CDK13: variants seen among roughly 807,000 people sequenced by gnomAD.
CDK13 encodes cyclin-dependent kinase 13.
A neutral mutation model predicts 137.6 loss-of-function variants in CDK13; 40 were observed. The ratio of observed to expected loss-of-function variants is 0.29; its 90% CI spans 0.23 to 0.38. CDK13 has a LOEUF of 0.38. Among genes scored for constraint, CDK13 ranks in the 10% least tolerant of loss-of-function variants. CDK13 has a pLI of 1.00. For missense variants in CDK13, 1,704 were observed against 1,951.8 expected, an observed-to-expected ratio of 0.87 and a Z score of 2.39; for synonymous variants, 869 against 760.1, an observed-to-expected ratio of 1.14 and a Z score of -2.36.
At chr7:40,005,205 A>G (rs1037998276) in intron 5 of CDK13, among the ~76,000 whole-genome samples, 2 of 151,818 alleles carry the variant, frequency 1.3e-5, no homozygotes, top group Non-Finnish European at 2.9e-5. Context: ...CATCATAAAT[A>G]TATTTTTTTA....
chr7:40,093,387 C>T, intron 13 of CDK13, 150 bp downstream of exon 13: 1 of 608,574 alleles, frequency 1.6e-6, no homozygotes, highest in Non-Finnish European at 2.8e-6. Flanking sequence ...GTTTTTCAGT[C>T]TGTTTACTTC....
chr7:40,090,952 T>A lies in CDK13; in HGVS notation c.3236-1833T>A, dbSNP rs184496335. Reference sequence around the variant, plus strand: ...CAGGCTGGGCATGGTGGCTCATGCCTGTAATCCCAGCACTTTGGGAGGCCG... The same window carrying A: ...CAGGCTGGGCATGGTGGCTCATGCCAGTAATCCCAGCACTTTGGGAGGCCG... On this transcript the variant is annotated intron_variant, in intron 12 of 13. Transcript: ENST00000181839. Among the ~76,000 whole-genome samples the A allele has an allele frequency of 6.9e-3, 1,051 of 151,492 alleles. 11 individuals are homozygous for A. Among genetic ancestry groups the A allele is most frequent in the African/African-American group, 0.024 (979 of 41,304 alleles).
chr7:40,046,582 GGTTGCAGT>G (rs759596270), intron 6 of CDK13, among the ~76,000 whole-genome samples: 83 of 152,288 alleles, frequency 5.5e-4, no homozygotes, highest in Non-Finnish European at 9.0e-4. Context: ...AGGAGGTGGA[GGTTGCAGT>G]GAGCTGAGAT....
At chr7:40,036,394 A>G (rs1785484025) in intron 5 of CDK13, among the ~76,000 whole-genome samples, 2 of 152,270 alleles carry the variant, frequency 1.3e-5, no homozygotes, top group East Asian at 3.9e-4. Flanking sequence ...CAACATGGCG[A>G]AACCCTGTCT....
intron 5 of CDK13, among the ~76,000 whole-genome samples, chr7:40,013,303 G>GATT (rs1240051592): frequency 6.6e-6 from 1 of 152,122 alleles, no homozygotes; most frequent in Non-Finnish European, 1.5e-5. Context: ...AGTTTTGCAA[G>GATT]ATTAAAAGAG....
chr7:40,062,648 C>G (rs774798710), intron 7 of CDK13, 178 bp from the exon 8 acceptor site: 32 of 604,812 alleles, frequency 5.3e-5, no homozygotes, highest in Non-Finnish European at 8.5e-5. Flanking sequence ...AGGTTGCCCT[C>G]ACATACATTT....
intron 1 of CDK13, among the ~76,000 whole-genome samples, chr7:39,965,980 G>C (rs1181313870): frequency 6.6e-6 from 1 of 152,194 alleles, no homozygotes; most frequent in Non-Finnish European, 1.5e-5. Flanking sequence ...TATCTGCTGA[G>C]AGATCAGCTG....
chr7:39,988,561 A>G (rs1024757823), intron 2 of CDK13, among the ~76,000 whole-genome samples: 2 of 152,122 alleles, frequency 1.3e-5, no homozygotes, highest in Admixed American at 1.3e-4. Context: ...TTCCTTGATG[A>G]TGTAATCAGA....
At chr7:40,008,381 A>C (rs1305678934) in intron 5 of CDK13, among the ~76,000 whole-genome samples, 1 of 152,178 alleles carries the variant, frequency 6.6e-6, no homozygotes. Flanking sequence ...TGTCCATCTA[A>C]ATACTGGGGA....
intron 11 of CDK13, among the ~76,000 whole-genome samples, chr7:40,087,048 C>T (rs1296136233): frequency 6.6e-6 from 1 of 152,054 alleles, no homozygotes; most frequent in Non-Finnish European, 1.5e-5. Context: ...AGTGATCCAC[C>T]CACCTTAGCC....
chr7:39,988,063 A>G lies in CDK13; in HGVS notation c.1676A>G (p.Lys559Arg), dbSNP rs373649746. ...ENNLIVDKAT[K>R]KAVIVGKESK... ...AATTTGATTGTAGATAAAGCCACCA[A>G]GAAAGCAGTCATAGTTGGAAAGGAG... Residue 559 changes from lysine (K) to arginine (R), a missense_variant, in exon 2 of 14, where the codon AAG becomes AGG. This residue lies in a region of CDK13 where 1,051 missense variants were observed against 931.0 expected (regional missense o/e 1.13). Coordinates refer to ENST00000181839, the MANE Select transcript of CDK13 (RefSeq NM_003718.5). The G allele has an allele frequency of 1.1e-5, 17 of 1,614,132 alleles. No individual in the cohort carries two copies. The African/African-American group carries it at 1.1e-4, about 10-fold the overall frequency.
chr7:39,954,871 A>T (rs780048250), intron 1 of CDK13, among the ~76,000 whole-genome samples: 4 of 152,180 alleles, frequency 2.6e-5, no homozygotes, highest in East Asian at 3.9e-4. Flanking sequence ...CACCTGCTGC[A>T]TCAGCCTCCC....
intron 12 of CDK13, among the ~76,000 whole-genome samples, chr7:40,089,698 T>TAGAGAGAG (rs58490010): frequency 3.6e-5 from 5 of 140,492 alleles, no homozygotes; most frequent in African/African-American, 8.2e-5. Context: ...TGATATAAAA[T>TAGAGAGAG]AGAGAGAGAG....
intron 5 of CDK13, among the ~76,000 whole-genome samples, chr7:40,022,057 G>A (rs1785137550): frequency 6.6e-6 from 1 of 152,182 alleles, no homozygotes. Context: ...TACTTAGGCA[G>A]CTCACTATCA....
At chr7:40,088,098 T>G (rs1010985154) in intron 11 of CDK13, 28 bp from the exon 12 acceptor site, 1 of 1,593,168 alleles carries the variant, frequency 6.3e-7, no homozygotes, top group Non-Finnish European at 8.6e-7. Flanking sequence ...AAATGCCATT[T>G]ACAATTTAAT....
At chr7:39,996,983 A>AAAAAAAAAAAAAAAAAAAAAAAAAAG (rs1562719391) in intron 2 of CDK13, among the ~76,000 whole-genome samples, 3 of 141,434 alleles carry the variant, frequency 2.1e-5, no homozygotes, top group African/African-American at 9.0e-5. Context: ...AAAAGAAAAA[A>AAAAAAAAAAAAAAAAAAAAAAAAAAG]AAAAAGAAAA....
At chr7:39,972,215 C>T (rs940489413) in intron 1 of CDK13, among the ~76,000 whole-genome samples, 6 of 152,004 alleles carry the variant, frequency 3.9e-5, no homozygotes, top group East Asian at 1.9e-4. Context: ...TTGTTGTTGT[C>T]GTTACTTTTA....
intron 7 of CDK13, among the ~76,000 whole-genome samples, chr7:40,049,732 C>T (rs1242229079): frequency 6.6e-6 from 1 of 152,090 alleles, no homozygotes. Flanking sequence ...AGCATCTTCC[C>T]CCCATACTCC....
chr7:39,969,300 C>T (rs961844659), intron 1 of CDK13, among the ~76,000 whole-genome samples: 11 of 152,180 alleles, frequency 7.2e-5, no homozygotes, highest in South Asian at 2.1e-4. Context: ...TTATGAGCTA[C>T]GGCACCTAGC....
Sources: gnomAD v4.1 joint callset for allele counts (sites outside exome capture counted in the v4.1 genomes callset) on GRCh38, gnomAD v4.1.1 for gene constraint, gnomAD v4.1.1 regional missense constraint, MANE v1.5 for transcripts, NCBI Gene and HGNC (gene_info 2026-07-23, HGNC 2026-07-21) for gene names.